Variants in STAB1 observed in about 807,000 individuals in gnomAD.
The protein encoded by STAB1 is stabilin 1.
In STAB1, 250 loss-of-function variants were observed where a neutral mutation model predicts 332.4. The observed-to-expected ratio is 0.75, with a 90% CI of 0.68 to 0.84. STAB1 has a LOEUF of 0.84. Among genes scored for constraint, STAB1 ranks in the 40% least tolerant of loss-of-function variants. STAB1 has a pLI of 0.00. For missense variants in STAB1, 3,249 were observed against 3,489.7 expected, an observed-to-expected ratio of 0.93 and a Z score of 1.74; for synonymous variants, 1,475 against 1,390.4, an observed-to-expected ratio of 1.06 and a Z score of -1.35.
chr3:52,501,921 C>T (rs1578355299), intron 3 of STAB1, 85 bp from the exon 4 acceptor site: 16 of 1,539,852 alleles, frequency 1.0e-5, no homozygotes, highest in Middle Eastern at 2.3e-4. Context: ...GGGGGAGGGG[C>T]CGAGTCTGGG....
Position 52,521,524 on chromosome 3 carries a change from G to A in STAB1, c.6058+14G>A. 1 of 1,613,920 alleles carries A rather than the reference G, an allele frequency of 6.2e-7. No homozygotes were observed. The highest frequency in any genetic ancestry group is 8.5e-7 in the Non-Finnish European group (1 of 1,180,008). On this transcript the variant is annotated intron_variant, in intron 56 of 68. Coordinates refer to ENST00000321725, the MANE Select transcript of STAB1 (RefSeq NM_015136.3). ...CCCATTGTCAAGGTGGGCCATCCCT[G>A]CCTGCCCCACGGCCCGATTCCTTTG...
At position 52,519,486 on chromosome 3, in the gene STAB1, T is replaced by C. The variant is rs768318110; in HGVS notation, c.5176-19T>C. On this transcript the variant is annotated intron_variant, in intron 49 of 68. Transcript: ENST00000321725. ...TCCCTTCCCGCCTGGCCTAGCTGTT[T>C]ATGAGAGCCTTTCCTCAGAGAAATG... 3.7e-6 allele frequency: 6 copies of C among 1,613,212 alleles called. No individual in the cohort carries two copies. The highest frequency in any genetic ancestry group is 3.3e-5 in the Admixed American group (2 of 60,018).
In STAB1 at chr3:52,504,751, C is replaced by T. The variant is rs1376467125; in HGVS notation, c.1252C>T (p.Gln418Ter). The T allele has an allele frequency of 1.2e-6, 2 of 1,613,802 alleles. No homozygotes were observed. The highest frequency in any genetic ancestry group is 1.7e-6 in the Non-Finnish European group (2 of 1,180,024). ...CTTGCGTCTGCAGGCATCCCTTGCC[C>T]AGCAGCTCTGTAGACAGCACATCAT... ...SSRTMNASLA[Q>*]QLCRQHIIAG... The change falls in exon 12 of 69, where the codon CAG becomes TAG. Residue 418 changes from glutamine (Q) to a stop codon, truncating the protein, a stop_gained. Transcript: ENST00000321725. LOFTEE classifies it high-confidence loss of function.
In STAB1 at chr3:52,520,428, C is replaced by T. The variant is rs750870445; in HGVS notation, c.5528C>T (p.Ala1843Val). The change falls in exon 53 of 69, where the codon GCT (alanine) becomes GTT (valine). Residue 1843 changes from alanine (A) to valine (V), a missense_variant. Ala to Val is a moderately conservative substitution (Grantham distance 64). Coordinates refer to ENST00000321725, the MANE Select transcript of STAB1 (RefSeq NM_015136.3). ...GAGCTCATGGTGGGTGAGGATGATG[C>T]TCGCATTGTGCAGCGGCACTTGCCC... Reference protein sequence around the residue: ...AGELMVGEDDARIVQRHLPFE... With the variant: ...AGELMVGEDDVRIVQRHLPFE... 2 of 1,612,480 alleles carry T rather than the reference C, an allele frequency of 1.2e-6. No individual in the cohort carries two copies. Among genetic ancestry groups the T allele is most frequent in the South Asian group, 1.1e-5 (1 of 91,070 alleles).
rs750381659 is a variant in STAB1, at chr3:52,523,614, C to T, written c.7290+38C>T. On this transcript the variant is annotated intron_variant, in intron 65 of 68. Coordinates refer to ENST00000321725, the MANE Select transcript of STAB1 (RefSeq NM_015136.3). ...ACTGTCCCACCCTGTTGGCCCTGGCCCTCGCTCACAGTGGGCCTGACTCTG... is the reference window on the plus strand; with the variant it reads ...ACTGTCCCACCCTGTTGGCCCTGGCTCTCGCTCACAGTGGGCCTGACTCTG... The T allele has an allele frequency of 2.5e-6, 4 of 1,612,770 alleles. No individual in the cohort carries two copies. In the Admixed American group the frequency reaches 6.7e-5, roughly 27 times the overall value.
chr3:52,503,626 G>C, intron 8 of STAB1, 86 bp downstream of exon 8: 4 of 1,565,680 alleles, frequency 2.6e-6, no homozygotes, highest in Non-Finnish European at 8.7e-7. Flanking sequence ...AGGCCTTCTG[G>C]TAGCCTCAGT....
rs1170523996 is a variant in STAB1 at position 52,516,756 on chromosome 3, A to G, written c.4351A>G (p.Ile1451Val). 2 of 1,609,844 alleles carry G rather than the reference A, an allele frequency of 1.2e-6. No individual in the cohort carries two copies. Among genetic ancestry groups the G allele is most frequent in the East Asian group, 4.5e-5 (2 of 44,716 alleles). The change falls in exon 41 of 69, where the codon ATC (isoleucine) becomes GTC (valine). Residue 1451 changes from isoleucine (I) to valine (V), a missense_variant. Physicochemically the swap from Ile to Val is conservative, Grantham distance 29 (BLOSUM62 3). Coordinates refer to ENST00000321725, the MANE Select transcript of STAB1 (RefSeq NM_015136.3). ...TGCTGCGGGATACTCCGGCAATGGC[A>G]TCTTCTGTTCAGGTCCAGCCACACG... ...ACAAGYSGNG[I>V]FCSEVDPCAH...
Position 52,501,236 on chromosome 3 carries a change from T to G in STAB1, c.149T>G (p.Ile50Ser), listed in dbSNP as rs199539606. The change falls in exon 2 of 69, where the codon ATC becomes AGC. Residue 50 changes from isoleucine to serine, a missense_variant. Transcript: ENST00000321725. ...GTACCCTGCACCTCGTGCGCGGCCATCAAGAAGCAGACGTGTCCCTCAGGC... is the reference window on the plus strand; with the variant it reads ...GTACCCTGCACCTCGTGCGCGGCCAGCAAGAAGCAGACGTGTCCCTCAGGC... ...THVPCTSCAA[I>S]KKQTCPSGWL... 6.2e-7 allele frequency: 1 copy of G among 1,613,746 alleles called. No homozygotes were observed. The highest frequency in any genetic ancestry group is 1.7e-5 in the Admixed American group (1 of 60,030).
rs118044204 is a variant in STAB1 at position 52,521,783 on chromosome 3, C to T, written c.6164-61C>T. On this transcript the variant is annotated intron_variant, in intron 57 of 68. Coordinates refer to ENST00000321725, the MANE Select transcript of STAB1 (RefSeq NM_015136.3). ...GTAAAGGCACCAAGGGTGGGTGGAA[C>T]GGGCAGAGGCCAGGAAGGCAACTAC... is the stretch of plus-strand genomic sequence containing the variant. 3.4e-5 allele frequency: 54 copies of T among 1,598,198 alleles called. No homozygotes were observed. In the Middle Eastern group the frequency reaches 6.7e-4, roughly 20 times the overall value.
intron 37 of STAB1, 65 bp from the exon 38 acceptor site, chr3:52,515,978 G>C (rs534046560): frequency 2.0e-6 from 3 of 1,481,762 alleles, no homozygotes; most frequent in South Asian, 2.7e-5. Context: ...AGATGCCCCC[G>C]TTCCCCTTCC....
At position 52,509,874 on chromosome 3, in the gene STAB1, C is replaced by A; in HGVS notation, c.2352C>A (p.Cys784Ter). ...GCTCCCATCTACTCCATACAGACTG[C>A]GGCTGTGTCCATGGTCTCTGCGACA... ...NKHGEQCQED[C>*]GCVHGLCDNR... Residue 784 changes from cysteine (C) to a stop codon, truncating the protein, a stop_gained, in exon 23 of 69, where the codon TGC becomes TGA. Transcript: ENST00000321725. LOFTEE classifies it high-confidence loss of function. 1.2e-6 allele frequency: 2 copies of A among 1,613,032 alleles called. No homozygotes were observed. Among genetic ancestry groups the A allele is most frequent in the African/African-American group, 1.3e-5 (1 of 75,064 alleles).
chr3:52,520,994 G>A lies in STAB1; in HGVS notation c.5897G>A (p.Ser1966Asn), dbSNP rs994731242. The part of the protein sequence containing the change: ...KPSCCPGHYG[S>N]ECQACPGGPS... The stretch of plus-strand genomic sequence containing the variant: ...AGCTGCTGCCCTGGTCACTATGGCA[G>A]TGAGTGCCAAGGTGAGCATTGCAGA... Residue 1966 changes from serine (S) to asparagine (N), a missense_variant, in exon 55 of 69, where the codon AGT becomes AAT. Transcript: ENST00000321725. 2.6e-6 allele frequency: 4 copies of A among 1,550,164 alleles called. No individual in the cohort carries two copies. Among genetic ancestry groups the A allele is most frequent in the Non-Finnish European group, 3.5e-6 (4 of 1,150,066 alleles).
In STAB1 at chr3:52,504,557, C is replaced by T. The variant is rs776441426; in HGVS notation, c.1239+8C>T. 2 of 1,613,932 alleles carry T rather than the reference C, an allele frequency of 1.2e-6. No individual in the cohort carries two copies. The highest frequency in any genetic ancestry group is 2.2e-5 in the East Asian group (1 of 44,882). On this transcript the variant is annotated splice_region_variant and intron_variant, in intron 11 of 68. Coordinates refer to ENST00000321725, the MANE Select transcript of STAB1 (RefSeq NM_015136.3). ...TCCTCCAGGACCATGAATGTAAGCC[C>T]CTCCCCATGGTGGAGCTGGCCACTG...
Position 52,520,672 on chromosome 3 carries a change from C to T in STAB1, c.5680C>T (p.Pro1894Ser). Residue 1894 changes from proline (P) to serine (S), a missense_variant, in exon 54 of 69, where the codon CCC becomes TCC. By Grantham distance (74) the Pro-to-Ser change is moderately conservative (BLOSUM62 -1). Transcript: ENST00000321725. ...NTCSICGLEP[P>S]CPEGSQEQGS... ...CTGCAGCATCTGTGGGCTGGAGCCA[C>T]CCTGTCCTGAGGGGTCACAGGAGCA... The T allele has an allele frequency of 1.2e-6, 2 of 1,612,758 alleles. No homozygotes were observed. The highest frequency in any genetic ancestry group is 1.7e-6 in the Non-Finnish European group (2 of 1,179,958).
Position 52,505,351 on chromosome 3 carries a change from G to A in STAB1, c.1551G>A (p.Glu517=). The change falls in exon 14 of 69, where the codon GAG becomes GAA. Residue 517 remains glutamate (E), a synonymous_variant. Coordinates refer to ENST00000321725, the MANE Select transcript of STAB1 (RefSeq NM_015136.3). ...TCGGACAGATCCTCGCCTCTACCGA[G>A]GCCTTCAGCCGCTTTGAAACCATCC... ...RTIGQILAST[E]AFSRFETILE... is the part of the protein sequence containing the mutation. The A allele has an allele frequency of 1.2e-6, 2 of 1,613,668 alleles. No individual in the cohort carries two copies. Among genetic ancestry groups the A allele is most frequent in the Non-Finnish European group, 1.7e-6 (2 of 1,179,934 alleles).
chr3:52,513,877 T>C lies in STAB1; in HGVS notation c.3349-6T>C, dbSNP rs1709472063. 3.1e-6 allele frequency: 5 copies of C among 1,606,742 alleles called. No homozygotes were observed. Among genetic ancestry groups the C allele is most frequent in the Non-Finnish European group, 3.4e-6 (4 of 1,174,990 alleles). On this transcript the variant is annotated splice_region_variant and splice_polypyrimidine_tract_variant and intron_variant, in intron 31 of 68. Transcript: ENST00000321725. Reference sequence around the variant, plus strand: ...CATACTGACCAGGCCCTGTGCTCTGTACCAGGTCTTACTGCCCCCCCGAGG... The same window carrying C: ...CATACTGACCAGGCCCTGTGCTCTGCACCAGGTCTTACTGCCCCCCCGAGG...
In STAB1 at chr3:52,523,008, AC is replaced by A. The variant is rs1406832808; in HGVS notation, c.6911-15del. The stretch of plus-strand genomic sequence containing the variant: ...TTCCCACCAATCTGCTGAGCCACTG[AC>A]CTGCTTTTCCTGCAGATGTGGCCTG... On this transcript the variant is annotated splice_polypyrimidine_tract_variant and intron_variant, in intron 62 of 68. Transcript: ENST00000321725. The A allele has an allele frequency of 6.3e-7, 1 of 1,586,950 alleles. No individual in the cohort carries two copies. The highest frequency in any genetic ancestry group is 1.7e-5 in the Admixed American group (1 of 59,084).
Position 52,517,579 on chromosome 3 carries a change from C to A in STAB1, c.4593C>A (p.Ser1531Arg). ...CCTGCAGCTGCCGTGAGGGTTACAG[C>A]GGGGATGGCATCCGGACCTGCGAGC... is the stretch of plus-strand genomic sequence containing the variant. ...QVSCSCREGY[S>R]GDGIRTCELL... The change falls in exon 44 of 69, where the codon AGC (serine) becomes AGA (arginine). Residue 1531 changes from serine (S) to arginine (R), a missense_variant. Ser to Arg is a moderately radical substitution (Grantham distance 110). Transcript: ENST00000321725. 1 of 1,612,840 alleles carries A rather than the reference C, an allele frequency of 6.2e-7. No individual in the cohort carries two copies. The highest frequency in any genetic ancestry group is 8.5e-7 in the Non-Finnish European group (1 of 1,179,898).
Position 52,503,472 on chromosome 3 carries a change from C to G in STAB1, c.823C>G (p.Pro275Ala), listed in dbSNP as rs756229273. ...GDGMVCLPKD[P>A]CTDNLGGCPS... The stretch of plus-strand genomic sequence containing the variant: ...TGGGATGGTGTGTCTGCCCAAGGAC[C>G]CATGCACTGACAACCTTGGTGGCTG... Residue 275 changes from proline (P) to alanine (A), a missense_variant, in exon 8 of 69, where the codon CCA becomes GCA. By Grantham distance (27) the Pro-to-Ala change is conservative. Transcript: ENST00000321725. 1 of 1,613,818 alleles carries G rather than the reference C, an allele frequency of 6.2e-7. No homozygotes were observed. Among genetic ancestry groups the G allele is most frequent in the African/African-American group, 1.3e-5 (1 of 75,060 alleles).
Sources: allele counts gnomAD v4.1 joint callset, GRCh38; gene constraint gnomAD v4.1.1; transcripts MANE v1.5; gene names NCBI Gene and HGNC (gene_info 2026-07-23, HGNC 2026-07-21).